The following CTNNAL1 variants were observed in gnomAD, a reference collection of about 807,000 sequenced individuals.
The protein encoded by CTNNAL1 is alpha-catulin.
In CTNNAL1, 69 loss-of-function variants were observed where a neutral mutation model predicts 93.6. The observed-to-expected ratio is 0.74, with a 90% CI of 0.61 to 0.90. The LOEUF (loss-of-function observed/expected upper bound fraction) is 0.90. Among genes scored for constraint, CTNNAL1 ranks in the 40% least tolerant of loss-of-function variants. The pLI is 0.00. For missense variants in CTNNAL1, 836 were observed against 862.0 expected, an observed-to-expected ratio of 0.97 and a Z score of 0.38; for synonymous variants, 286 against 305.4, an observed-to-expected ratio of 0.94 and a Z score of 0.66.
chr9:108,995,510 C>T (rs538302613), intron 2 of CTNNAL1, among the ~76,000 whole-genome samples: 14 of 152,312 alleles, frequency 9.2e-5, no homozygotes, highest in Admixed American at 9.2e-4. Context: ...AAAGTGTAAA[C>T]TGTTCAGAAA....
At position 108,992,390 on chromosome 9, in the gene CTNNAL1, CT is replaced by C. The variant is rs76492886; in HGVS notation, c.519+241del. Among the ~76,000 whole-genome samples the C allele has an allele frequency of 8.2e-3, 1,148 of 139,740 alleles. 6 individuals carry two copies. The highest frequency in any genetic ancestry group is 0.019 in the African/African-American group (716 of 38,194). 91.7% of individuals were successfully genotyped at this position (139,740 alleles called of 152,430 possible). A position where few individuals can be genotyped will look rare whatever the true frequency, so the allele number is the denominator to read the frequency against. ...TACAATTAACCTAAAAAGAACTTTTCTTTTTTTTTTTTTTTAAGCAACGCTC... is the reference window on the plus strand; with the variant it reads ...TACAATTAACCTAAAAAGAACTTTTCTTTTTTTTTTTTTTAAGCAACGCTC... On this transcript the variant is annotated intron_variant, in intron 3 of 18. Transcript: ENST00000325551.
At position 108,990,711 on chromosome 9, in the gene CTNNAL1, G is replaced by A. The variant is rs1022827230; in HGVS notation, c.639+15C>T. On this transcript the variant is annotated intron_variant, in intron 4 of 18. Coordinates refer to ENST00000325551, the MANE Select transcript of CTNNAL1 (RefSeq NM_003798.4). Reference sequence around the variant, plus strand: ...TGTATTTATCTGAAGATTGTAAAATGTGATGAATACATACATTTTGTCTAT... The same window carrying A: ...TGTATTTATCTGAAGATTGTAAAATATGATGAATACATACATTTTGTCTAT... The A allele has an allele frequency of 1.2e-6, 2 of 1,606,754 alleles. No homozygotes were observed. The highest frequency in any genetic ancestry group is 1.7e-6 in the Non-Finnish European group (2 of 1,177,398).
chr9:109,004,183 G>C (rs1826942035), intron 1 of CTNNAL1, among the ~76,000 whole-genome samples: 1 of 152,146 alleles, frequency 6.6e-6, no homozygotes, highest in Non-Finnish European at 1.5e-5. Context: ...ATGCTCAAAG[G>C]TGCTTATTTA....
chr9:108,970,537 C>A (rs1831085085), intron 9 of CTNNAL1, 43 bp from the exon 10 acceptor site: 7 of 1,539,482 alleles, frequency 4.5e-6, no homozygotes, highest in Non-Finnish European at 5.3e-6. Context: ...ACATCCTCAT[C>A]CTCCACAATA....
chr9:108,961,617 G>A (rs781159389), intron 11 of CTNNAL1, among the ~76,000 whole-genome samples: 1 of 152,138 alleles, frequency 6.6e-6, no homozygotes, highest in Non-Finnish European at 1.5e-5. Context: ...ACCTAAAGAA[G>A]AGATTATTTA....
At chr9:108,972,864 G>GGGGGCGCGCCC in intron 8 of CTNNAL1, 31 bp from the exon 9 acceptor site, 1 of 142,590 alleles carries the variant, frequency 7.0e-6, no homozygotes, top group Non-Finnish European at 1.0e-5. Flanking sequence ...GGGGGGGTGG[G>GGGGGCGCGCCC]AGGGTGGAGA....
chr9:108,975,459 CCTT>C (rs1831241286), intron 8 of CTNNAL1, among the ~76,000 whole-genome samples: 1 of 152,142 alleles, frequency 6.6e-6, no homozygotes, highest in South Asian at 2.1e-4. Flanking sequence ...TCACTAAAAA[CCTT>C]CTGCCTCTCA....
Position 108,992,704 on chromosome 9 carries a change from A to T in CTNNAL1, c.447T>A (p.Leu149=). The change falls in exon 3 of 19, where the codon CTT becomes CTA. Residue 149 remains leucine (L), a synonymous_variant. Coordinates refer to ENST00000325551, the MANE Select transcript of CTNNAL1 (RefSeq NM_003798.4). ...TGVIKAARLL[L]SSVTKVLLLA... is the part of the protein sequence containing the mutation. ...GCAACAACACTTTTGTCACTGAAGAAAGAAGTAATCTTGCAGCCTTTATCA... is the reference window on the plus strand; with the variant it reads ...GCAACAACACTTTTGTCACTGAAGATAGAAGTAATCTTGCAGCCTTTATCA... 1 of 1,614,072 alleles carries T rather than the reference A, an allele frequency of 6.2e-7. No individual in the cohort carries two copies. The highest frequency in any genetic ancestry group is 8.5e-7 in the Non-Finnish European group (1 of 1,179,970).
At chr9:108,999,391 C>A (rs1377511266) in intron 1 of CTNNAL1, 135 bp from the exon 2 acceptor site, 12 of 750,856 alleles carry the variant, frequency 1.6e-5, no homozygotes, top group East Asian at 3.0e-5. Flanking sequence ...GATGCTTCAA[C>A]AGAGACAACC....
chr9:108,957,427 T>C (rs967845153), intron 11 of CTNNAL1, among the ~76,000 whole-genome samples: 2 of 152,114 alleles, frequency 1.3e-5, no homozygotes, highest in Non-Finnish European at 2.9e-5. Flanking sequence ...GCCTAGGAAA[T>C]TTCAAATTAT....
In CTNNAL1 at chr9:108,999,222, T is replaced by C. The variant is rs1050850421; in HGVS notation, c.176A>G (p.Lys59Arg). The part of the protein sequence containing the change: ...TTLINHKDNT[K>R]KSDKTLQAIQ... ...TGCTTGCAGAGTTTTATCAGACTTT[T>C]TGGTATTATCTTTATGATTAATAAG... The change falls in exon 2 of 19, where the codon AAA becomes AGA. Residue 59 changes from lysine (K) to arginine (R), a missense_variant. Lys to Arg is a conservative substitution (Grantham distance 26). Coordinates refer to ENST00000325551, the MANE Select transcript of CTNNAL1 (RefSeq NM_003798.4). The C allele has an allele frequency of 6.2e-7, 1 of 1,609,476 alleles. No homozygotes were observed. The highest frequency in any genetic ancestry group is 8.5e-7 in the Non-Finnish European group (1 of 1,178,822).
At chr9:108,969,348 A>G (rs533007598) in intron 10 of CTNNAL1, among the ~76,000 whole-genome samples, 32 of 152,302 alleles carry the variant, frequency 2.1e-4, no homozygotes, top group Non-Finnish European at 4.0e-4. Context: ...TAAATGAGAT[A>G]ATCAGTTTTA....
intron 11 of CTNNAL1, among the ~76,000 whole-genome samples, chr9:108,959,364 C>CAAAAAAAA (rs36116094): frequency 1.1e-4 from 6 of 55,840 alleles, no homozygotes; most frequent in Non-Finnish European, 1.5e-4. Context: ...GACTCCATAT[C>CAAAAAAAA]AAAAAAAAAA....
At chr9:108,969,042 C>G (rs1046434997) in intron 10 of CTNNAL1, among the ~76,000 whole-genome samples, 1 of 151,898 alleles carries the variant, frequency 6.6e-6, no homozygotes, top group African/African-American at 2.4e-5. Context: ...GAGGCCGAGG[C>G]GGGGGGATCA....
intron 6 of CTNNAL1, among the ~76,000 whole-genome samples, chr9:108,980,094 T>C (rs1432466907): frequency 6.6e-6 from 1 of 152,224 alleles, no homozygotes; most frequent in Non-Finnish European, 1.5e-5. Flanking sequence ...CACCTCCCTC[T>C]AATAGTTCCT....
At chr9:108,954,210 G>C (rs1034252985) in intron 12 of CTNNAL1, among the ~76,000 whole-genome samples, 1 of 152,022 alleles carries the variant, frequency 6.6e-6, no homozygotes, top group Non-Finnish European at 1.5e-5. Context: ...AGATTCATTC[G>C]TTTCAGTTAT....
chr9:108,955,558 C>T (rs182418715), intron 12 of CTNNAL1, among the ~76,000 whole-genome samples: 21 of 152,148 alleles, frequency 1.4e-4, no homozygotes, highest in Admixed American at 9.2e-4. Flanking sequence ...TTTTATTAAT[C>T]ACAAATTATG....
intron 6 of CTNNAL1, among the ~76,000 whole-genome samples, chr9:108,981,469 A>C (rs944465937): frequency 1.4e-5 from 2 of 141,598 alleles, no homozygotes; most frequent in Non-Finnish European, 3.1e-5. Context: ...CTCCTCAAAA[A>C]AAAAAGACAA....
Position 108,979,379 on chromosome 9 carries a change from A to C in CTNNAL1, c.1003T>G (p.Ser335Ala). 6.2e-7 allele frequency: 1 copy of C among 1,614,158 alleles called. No homozygotes were observed. The part of the protein sequence containing the change: ...ILERMEDFTD[S>A]AYTSHEHRER... ...CTGTGCTCATGGCTGGTGTAGGCAG[A>C]ATCAGTAAAGTCCTCCATACGCTCC... Residue 335 changes from serine (S) to alanine (A), a missense_variant, in exon 7 of 19, where the codon TCT becomes GCT. Transcript: ENST00000325551.
Sources: allele counts gnomAD v4.1 joint callset (sites outside exome capture counted in the v4.1 genomes callset), GRCh38; gene constraint gnomAD v4.1.1; transcripts MANE v1.5; gene names NCBI Gene and HGNC (gene_info 2026-07-23, HGNC 2026-07-21).